Variants in COL24A1 observed in about 807,000 individuals in gnomAD.
COL24A1 encodes the protein collagen alpha-1(XXIV) chain.
In COL24A1, 224 loss-of-function variants were observed where a neutral mutation model predicts 253.9. That is an observed-to-expected ratio of 0.88 (90% CI 0.79 to 0.99). The LOEUF (loss-of-function observed/expected upper bound fraction) is 0.99, where lower values mean the gene tolerates loss of function less well. COL24A1 is among the 50% of genes least tolerant of loss of function. The pLI, the probability that COL24A1 is intolerant of heterozygous loss-of-function variation, is 0.00. For synonymous variants in COL24A1, 685 were observed against 673.7 expected (o/e 1.02, Z -0.26); for missense variants, 2,131 against 2,068.5 (o/e 1.03, Z -0.59).
In COL24A1 at chr1:86,059,672, C is replaced by T. The variant is rs545942108; in HGVS notation, c.1753-498G>A. On this transcript the variant is annotated intron_variant, in intron 8 of 59. Transcript: ENST00000370571. ...TAAATGAATATTAAGTGGCAAATAC[C>T]GTTATCATGACATGGGTCTGATCCA... 1.2e-3 allele frequency among the ~76,000 whole-genome samples: 184 copies of T among 152,146 alleles called. 3 individuals are homozygous for T. The highest frequency in any genetic ancestry group is 6.8e-3 in the Middle Eastern group (2 of 294).
intron 52 of COL24A1, among the ~76,000 whole-genome samples, chr1:85,776,601 A>G (rs1219915384): frequency 6.6e-6 from 1 of 152,030 alleles, no homozygotes; most frequent in East Asian, 1.9e-4. Flanking sequence ...TAATTAAAAT[A>G]TTTAATAATC....
intron 47 of COL24A1, among the ~76,000 whole-genome samples, chr1:85,814,135 A>G (rs1672840636): frequency 6.6e-6 from 1 of 152,236 alleles, no homozygotes; most frequent in Non-Finnish European, 1.5e-5. Context: ...TAGGTTAGCC[A>G]GAGAAGATTT....
intron 13 of COL24A1, among the ~76,000 whole-genome samples, chr1:86,033,401 A>G (rs1698744999): frequency 6.6e-6 from 1 of 152,166 alleles, no homozygotes; most frequent in Non-Finnish European, 1.5e-5. Context: ...CTTTGATGAT[A>G]TAATTAAACT....
At chr1:86,054,935 T>C (rs542048247) in intron 10 of COL24A1, among the ~76,000 whole-genome samples, 2 of 152,258 alleles carry the variant, frequency 1.3e-5, no homozygotes, top group South Asian at 2.1e-4. Flanking sequence ...ATGTGGTACA[T>C]ATAGACCATG....
intron 31 of COL24A1, among the ~76,000 whole-genome samples, chr1:85,890,331 A>C (rs1682984466): frequency 6.6e-6 from 1 of 152,098 alleles, no homozygotes; most frequent in Admixed American, 6.5e-5. Context: ...ACTGTTTTCC[A>C]CAGCAGTTCC....
intron 43 of COL24A1, among the ~76,000 whole-genome samples, chr1:85,827,058 G>C (rs1384101420): frequency 6.6e-6 from 1 of 150,824 alleles, no homozygotes; most frequent in Non-Finnish European, 1.5e-5. Context: ...TATTGGCTGT[G>C]GGTTTGTCAT....
At chr1:85,954,208 T>G (rs1339251257) in intron 24 of COL24A1, among the ~76,000 whole-genome samples, 5 of 152,178 alleles carry the variant, frequency 3.3e-5, no homozygotes, top group Non-Finnish European at 5.9e-5. Context: ...TAATTCTTTT[T>G]CAGTTTCAAA....
chr1:86,086,660 CA>C (rs1703085902), intron 7 of COL24A1, among the ~76,000 whole-genome samples: 1 of 151,974 alleles, frequency 6.6e-6, no homozygotes, highest in Non-Finnish European at 1.5e-5. Context: ...ATTGTAGGAA[CA>C]CATCAAACAT....
intron 45 of COL24A1, among the ~76,000 whole-genome samples, chr1:85,818,837 A>T (rs1031046315): frequency 6.6e-6 from 1 of 152,246 alleles, no homozygotes; most frequent in African/African-American, 2.4e-5. Flanking sequence ...CTCAGAAATC[A>T]TCAGAAGTTC....
At chr1:85,738,016 A>G (rs1664236934) in intron 57 of COL24A1, among the ~76,000 whole-genome samples, 1 of 152,228 alleles carries the variant, frequency 6.6e-6, no homozygotes, top group Non-Finnish European at 1.5e-5. Context: ...TCACATAACT[A>G]TCAATTTCAG....
chr1:86,148,980 T>G (rs1251315574), intron 1 of COL24A1, among the ~76,000 whole-genome samples: 1 of 152,110 alleles, frequency 6.6e-6, no homozygotes, highest in Non-Finnish European at 1.5e-5. Context: ...TGTAAAAGTG[T>G]TCCTATTTCT....
intron 24 of COL24A1, among the ~76,000 whole-genome samples, chr1:85,926,464 T>C (rs940684985): frequency 2.6e-5 from 4 of 152,206 alleles, no homozygotes; most frequent in African/African-American, 9.7e-5. Context: ...GTGGCACATA[T>C]ACACCATGGA....
At chr1:86,014,223 A>C (rs1220955054) in intron 19 of COL24A1, among the ~76,000 whole-genome samples, 1 of 152,158 alleles carries the variant, frequency 6.6e-6, no homozygotes, top group African/African-American at 2.4e-5. Context: ...AATATTTTCT[A>C]ATTTCCATTG....
intron 24 of COL24A1, among the ~76,000 whole-genome samples, chr1:85,953,467 A>G (rs949000243): frequency 5.9e-5 from 9 of 152,232 alleles, no homozygotes; most frequent in Non-Finnish European, 8.8e-5. Flanking sequence ...TGTTTTGGCA[A>G]AATTATGTGT....
chr1:85,856,915 A>G (rs1480874901), intron 37 of COL24A1, among the ~76,000 whole-genome samples: 1 of 152,122 alleles, frequency 6.6e-6, no homozygotes, highest in Admixed American at 6.6e-5. Context: ...TAGAGAAGAC[A>G]CTTTCCATGT....
At chr1:85,959,712 A>T (rs1475105205) in intron 24 of COL24A1, among the ~76,000 whole-genome samples, 2 of 152,138 alleles carry the variant, frequency 1.3e-5, no homozygotes, top group Non-Finnish European at 2.9e-5. Flanking sequence ...CTACCTGCCA[A>T]GATAGTCTGT....
intron 2 of COL24A1, among the ~76,000 whole-genome samples, chr1:86,141,460 G>A (rs2102388064): frequency 6.6e-6 from 1 of 152,258 alleles, no homozygotes; most frequent in African/African-American, 2.4e-5. Flanking sequence ...ATACAAAATT[G>A]TGAGACAATC....
chr1:85,754,698 G>C (rs1348389731), intron 55 of COL24A1, among the ~76,000 whole-genome samples: 2 of 151,996 alleles, frequency 1.3e-5, no homozygotes, highest in Non-Finnish European at 2.9e-5. Context: ...AAATTTACTA[G>C]ATAGGCTCTA....
chr1:85,871,348 A>G (rs1680459259), intron 35 of COL24A1, among the ~76,000 whole-genome samples: 1 of 152,180 alleles, frequency 6.6e-6, no homozygotes, highest in Admixed American at 6.5e-5. Context: ...TCTTTTTATG[A>G]GGCCAGCATC....
Sources: allele counts gnomAD v4.1 joint callset (sites outside exome capture counted in the v4.1 genomes callset), GRCh38; gene constraint gnomAD v4.1.1; transcripts MANE v1.5; gene names NCBI Gene and HGNC (gene_info 2026-07-23, HGNC 2026-07-21).